The following SLC8A1 variants were observed in gnomAD, a reference collection of about 807,000 sequenced individuals.
The protein encoded by SLC8A1 is sodium/calcium exchanger 1.
A neutral mutation model predicts 68.3 loss-of-function variants in SLC8A1; 18 were observed. The ratio of observed to expected loss-of-function variants is 0.26; its 90% CI spans 0.18 to 0.39. The LOEUF (loss-of-function observed/expected upper bound fraction) is 0.39, where lower values mean the gene tolerates loss of function less well. SLC8A1 is among the 10% of genes least tolerant of loss of function. The pLI is 1.00. For synonymous variants in SLC8A1, 475 were observed against 415.5 expected, an observed-to-expected ratio of 1.14 and a Z score of -1.74; for missense variants, 985 against 1,156.7, an observed-to-expected ratio of 0.85 and a Z score of 2.15.
At chr2:40,205,155 G>A (rs1409710508) in intron 2 of SLC8A1, among the ~76,000 whole-genome samples, 1 of 151,900 alleles carries the variant, frequency 6.6e-6, no homozygotes, top group Non-Finnish European at 1.5e-5. Context: ...AAGTATGTGA[G>A]GTAATGTATA....
chr2:40,150,867 A>G (rs1488426207), intron 6 of SLC8A1, among the ~76,000 whole-genome samples: 2 of 152,106 alleles, frequency 1.3e-5, no homozygotes, highest in African/African-American at 4.8e-5. Flanking sequence ...TGGAAACTGT[A>G]GCTACCTGAT....
At chr2:40,144,044 T>G (rs1442041535) in intron 6 of SLC8A1, among the ~76,000 whole-genome samples, 1 of 152,228 alleles carries the variant, frequency 6.6e-6, no homozygotes, top group African/African-American at 2.4e-5. Flanking sequence ...GCTCAAGTCC[T>G]TTATAAAACT....
rs961222744 is a variant in SLC8A1 at position 40,302,422 on chromosome 2, C to A, written c.1809-124567G>T. ...GCCATTAATTCATTCCTTTTTATGG[C>A]TGGGTAGTATTCCATTGTGTGTGTG... On this transcript the variant is annotated intron_variant, in intron 2 of 7. Transcript: ENST00000406785. Among the ~76,000 whole-genome samples the A allele has an allele frequency of 2.0e-5, 3 of 146,888 alleles. No individual in the cohort carries two copies. In the East Asian group the frequency reaches 6.3e-4, roughly 31 times the overall value.
At chr2:40,286,350 A>G (rs1031692601) in intron 2 of SLC8A1, among the ~76,000 whole-genome samples, 4 of 152,218 alleles carry the variant, frequency 2.6e-5, no homozygotes, top group Admixed American at 2.0e-4. Context: ...CCAGGATATG[A>G]AAGACAGAGG....
intron 2 of SLC8A1, among the ~76,000 whole-genome samples, chr2:40,402,945 C>T (rs1689181239): frequency 6.6e-6 from 1 of 152,092 alleles, no homozygotes; most frequent in South Asian, 2.1e-4. Flanking sequence ...CTTACTGTTC[C>T]AGAGCTGATC....
At chr2:40,475,164 C>G (rs530780756) in intron 1 of SLC8A1, among the ~76,000 whole-genome samples, 1 of 152,142 alleles carries the variant, frequency 6.6e-6, no homozygotes, top group Non-Finnish European at 1.5e-5. Flanking sequence ...GACGGAGTCT[C>G]GCTCTGTCGC....
At chr2:40,402,240 C>G (rs938220608) in intron 2 of SLC8A1, among the ~76,000 whole-genome samples, 2 of 152,166 alleles carry the variant, frequency 1.3e-5, no homozygotes, top group African/African-American at 2.4e-5. Flanking sequence ...GACACTCCCA[C>G]CAGCACCATG....
intron 2 of SLC8A1, among the ~76,000 whole-genome samples, chr2:40,410,431 T>C (rs1394959941): frequency 6.6e-6 from 1 of 152,260 alleles, no homozygotes; most frequent in Non-Finnish European, 1.5e-5. Flanking sequence ...ATTCTATCTA[T>C]AGTTTAATGT....
At chr2:40,198,937 G>GAAA (rs71404283) in intron 2 of SLC8A1, among the ~76,000 whole-genome samples, 30 of 143,450 alleles carry the variant, frequency 2.1e-4, no homozygotes, top group African/African-American at 4.9e-4. Context: ...CTAATTTAAG[G>GAAA]AAAAAAAAAA....
chr2:40,219,710 T>C (rs1296421164), intron 2 of SLC8A1, among the ~76,000 whole-genome samples: 3 of 152,208 alleles, frequency 2.0e-5, no homozygotes, highest in African/African-American at 7.2e-5. Context: ...TTTAAAATAC[T>C]TCAGTTTATA....
chr2:40,135,093 G>A (rs1426264929), intron 7 of SLC8A1, among the ~76,000 whole-genome samples: 3 of 152,024 alleles, frequency 2.0e-5, no homozygotes, highest in Non-Finnish European at 4.4e-5. Flanking sequence ...AGCTTGGTGT[G>A]TGGATAGAAA....
At chr2:40,429,000 A>T (rs1173524487) in exon 2 of SLC8A1, 1 of 1,613,806 alleles carries the variant, frequency 6.2e-7, no homozygotes. Flanking sequence ...GGATAATGGT[A>T]AGGGCCACAG....
At chr2:40,438,256 T>A (rs1194071048) in intron 1 of SLC8A1, among the ~76,000 whole-genome samples, 1 of 152,168 alleles carries the variant, frequency 6.6e-6, no homozygotes, top group African/African-American at 2.4e-5. Context: ...CTTTCTTTGA[T>A]GTTTGACCTT....
chr2:40,334,646 AT>A (rs1233912242), intron 2 of SLC8A1, among the ~76,000 whole-genome samples: 2 of 152,116 alleles, frequency 1.3e-5, no homozygotes, highest in Non-Finnish European at 1.5e-5. Context: ...TCCTGAAAAC[AT>A]TTTTTTCAGC....
intron 2 of SLC8A1, among the ~76,000 whole-genome samples, chr2:40,382,424 A>G (rs1239324598): frequency 6.6e-6 from 1 of 152,120 alleles, no homozygotes; most frequent in East Asian, 1.9e-4. Context: ...TGTTTACATC[A>G]CTTTTGTTAC....
Position 40,376,899 on chromosome 2 carries a change from C to T in SLC8A1, c.1808+51574G>A, listed in dbSNP as rs139933712. ...CATATGTCTATTATAATTACCATGCCCTCTATTATGCAATAGGTAGAATTC... is the reference window on the plus strand; with the variant it reads ...CATATGTCTATTATAATTACCATGCTCTCTATTATGCAATAGGTAGAATTC... On this transcript the variant is annotated intron_variant, in intron 2 of 7. Coordinates refer to ENST00000406785, the Ensembl canonical transcript of SLC8A1. Among the ~76,000 whole-genome samples, 205 of 152,062 alleles carry T rather than the reference C, an allele frequency of 1.3e-3. 3 individuals carry two copies. In the East Asian group the frequency reaches 0.031, roughly 23 times the overall value.
At chr2:40,402,121 G>C (rs1688922973) in intron 2 of SLC8A1, among the ~76,000 whole-genome samples, 1 of 152,094 alleles carries the variant, frequency 6.6e-6, no homozygotes, top group South Asian at 2.1e-4. Context: ...GAAAGGATGT[G>C]GTAAAGAAGC....
At chr2:40,249,281 G>C (rs947604436) in intron 2 of SLC8A1, among the ~76,000 whole-genome samples, 1 of 152,100 alleles carries the variant, frequency 6.6e-6, no homozygotes, top group African/African-American at 2.4e-5. Flanking sequence ...ATCTAGAAAT[G>C]CCTATCCGTT....
At chr2:40,463,313 C>G (rs1460902267) in intron 1 of SLC8A1, among the ~76,000 whole-genome samples, 1 of 152,178 alleles carries the variant, frequency 6.6e-6, no homozygotes, top group Non-Finnish European at 1.5e-5. Flanking sequence ...GGTTCTAATG[C>G]ACGCAGCCAG....
Sources: allele counts gnomAD v4.1 joint callset (sites outside exome capture counted in the v4.1 genomes callset), GRCh38; gene constraint gnomAD v4.1.1; transcripts MANE v1.5; gene names NCBI Gene and HGNC (gene_info 2026-07-23, HGNC 2026-07-21).